The following NELL2 variants were observed in gnomAD, a reference collection of about 807,000 sequenced individuals.
NELL2 encodes neural EGFL like 2.
NELL2 carries 41 observed loss-of-function variants against 109.6 expected under a neutral mutation model. The observed-to-expected ratio is 0.37, with a 90% CI of 0.29 to 0.49. The LOEUF is 0.49. Among genes scored for constraint, NELL2 ranks in the 20% least tolerant of loss-of-function variants. NELL2 has a pLI of 0.98. For synonymous variants in NELL2, 355 were observed against 344.7 expected (o/e 1.03, Z -0.33); for missense variants, 900 against 1,008.3 (o/e 0.89, Z 1.45).
chr12:44,877,772 G>A (rs1331537166), upstream of NELL2, among the ~76,000 whole-genome samples: 3 of 151,958 alleles, frequency 2.0e-5, no homozygotes, highest in Non-Finnish European at 4.4e-5. Flanking sequence ...CTCTCTTATC[G>A]AATTTCCCAT....
In NELL2 at chr12:44,884,297, C is replaced by T. The variant is rs537219233; in HGVS notation, c.39-8397G>A. Among the ~76,000 whole-genome samples the T allele has an allele frequency of 3.3e-5, 5 of 151,916 alleles. No homozygotes were observed. The South Asian group carries it at 1.0e-3, about 31-fold the overall frequency. Reference sequence around the variant, plus strand: ...GACACAACAATCCTAAGTATATATGCACCTAACAGCAAAGCATCAAAATGT... The same window carrying T: ...GACACAACAATCCTAAGTATATATGTACCTAACAGCAAAGCATCAAAATGT... On this transcript the variant is annotated intron_variant, in intron 1 of 20. Coordinates refer to the NELL2 transcript ENST00000333837.
intron 9 of NELL2, among the ~76,000 whole-genome samples, chr12:44,746,754 A>T (rs1407617006): frequency 2.6e-5 from 4 of 152,226 alleles, no homozygotes; most frequent in South Asian, 4.1e-4. Context: ...ATGAGATACC[A>T]TCTCATACCA....
chr12:44,909,625 G>A (rs1945756859), intron 1 of NELL2, among the ~76,000 whole-genome samples: 1 of 151,686 alleles, frequency 6.6e-6, no homozygotes, highest in East Asian at 1.9e-4. Flanking sequence ...AGACCAAATA[G>A]TCAAAGCAAT....
At chr12:44,543,707 T>C (rs1021493830) in intron 15 of NELL2, among the ~76,000 whole-genome samples, 2 of 152,170 alleles carry the variant, frequency 1.3e-5, no homozygotes, top group African/African-American at 4.8e-5. Context: ...CCATTATTCC[T>C]GGGAAGTCAT....
intron 13 of NELL2, among the ~76,000 whole-genome samples, chr12:44,636,079 T>C (rs1946625778): frequency 6.6e-6 from 1 of 152,202 alleles, no homozygotes; most frequent in Non-Finnish European, 1.5e-5. Flanking sequence ...GATTTGACTC[T>C]CTGTTTGTCT....
chr12:44,519,609 A>G (rs193285697), intron 19 of NELL2, among the ~76,000 whole-genome samples: 1 of 152,370 alleles, frequency 6.6e-6, no homozygotes, highest in East Asian at 1.9e-4. Flanking sequence ...TCACTTATGT[A>G]TCTTACGGAC....
chr12:44,761,293 G>C (rs529236798), intron 9 of NELL2, among the ~76,000 whole-genome samples: 1 of 152,140 alleles, frequency 6.6e-6, no homozygotes, highest in South Asian at 2.1e-4. Context: ...GCTTGAACCC[G>C]GGAGGCGGAG....
At chr12:44,907,941 CA>C (rs774416194) in intron 1 of NELL2, among the ~76,000 whole-genome samples, 5 of 151,920 alleles carry the variant, frequency 3.3e-5, no homozygotes, top group Non-Finnish European at 7.4e-5. Context: ...TTTAGGCACA[CA>C]AAGGCAGAAG....
At chr12:44,562,677 G>GA (rs1179645492) in intron 15 of NELL2, among the ~76,000 whole-genome samples, 1 of 152,208 alleles carries the variant, frequency 6.6e-6, no homozygotes, top group East Asian at 1.9e-4. Context: ...ACAGATGCTG[G>GA]AGAGGATGTG....
chr12:44,555,148 G>C (rs1775103397), intron 15 of NELL2, among the ~76,000 whole-genome samples: 1 of 152,156 alleles, frequency 6.6e-6, no homozygotes, highest in African/African-American at 2.4e-5. Context: ...TGGGGTTCAG[G>C]TGGAGGGGTC....
chr12:44,804,694 T>A (rs1018945986), intron 3 of NELL2, among the ~76,000 whole-genome samples: 3 of 151,930 alleles, frequency 2.0e-5, no homozygotes, highest in Admixed American at 6.6e-5. Context: ...CAAAAAGAGA[T>A]GTATTGTAAT....
chr12:44,744,297 A>C (rs1165855459), intron 9 of NELL2, among the ~76,000 whole-genome samples: 5 of 152,236 alleles, frequency 3.3e-5, no homozygotes, highest in Non-Finnish European at 7.3e-5. Context: ...ACACATTCAA[A>C]GCAGTGTGTA....
At chr12:44,659,049 C>A (rs1367042057) in intron 13 of NELL2, among the ~76,000 whole-genome samples, 1 of 152,016 alleles carries the variant, frequency 6.6e-6, no homozygotes, top group Non-Finnish European at 1.5e-5. Context: ...TAACACCACA[C>A]ATCTATAAAC....
chr12:44,784,289 T>C (rs1592526349), intron 3 of NELL2, among the ~76,000 whole-genome samples: 1 of 151,164 alleles, frequency 6.6e-6, no homozygotes, highest in Non-Finnish European at 1.5e-5. Flanking sequence ...TTATTCAACA[T>C]AGTGCTGAAA....
chr12:44,569,781 C>A (rs1418434132), intron 15 of NELL2, among the ~76,000 whole-genome samples: 1 of 152,008 alleles, frequency 6.6e-6, no homozygotes, highest in Admixed American at 6.6e-5. Context: ...GAGAAGATAT[C>A]TATTATATTC....
chr12:44,762,593 G>A (rs1484639390), intron 9 of NELL2, among the ~76,000 whole-genome samples: 1 of 152,168 alleles, frequency 6.6e-6, no homozygotes, highest in African/African-American at 2.4e-5. Flanking sequence ...CTCTTCAGCT[G>A]AAACTCATAG....
At chr12:44,639,421 A>G (rs1306338926) in intron 13 of NELL2, among the ~76,000 whole-genome samples, 1 of 152,154 alleles carries the variant, frequency 6.6e-6, no homozygotes, top group African/African-American at 2.4e-5. Flanking sequence ...GCGCACTCAT[A>G]AATCATCTTC....
At chr12:44,914,466 G>C (rs562123551), upstream of NELL2, among the ~76,000 whole-genome samples, 12 of 152,202 alleles carry the variant, frequency 7.9e-5, no homozygotes, top group South Asian at 2.5e-3. Flanking sequence ...GGTTTTCCTT[G>C]ACTACCTCTT....
At chr12:44,893,812 C>A (rs1216126963) in intron 1 of NELL2, among the ~76,000 whole-genome samples, 1 of 152,180 alleles carries the variant, frequency 6.6e-6, no homozygotes, top group Non-Finnish European at 1.5e-5. Context: ...AGGACAGTAT[C>A]CAAAATCCTA....
Sources: allele counts gnomAD v4.1 joint callset (sites outside exome capture counted in the v4.1 genomes callset), GRCh38; gene constraint gnomAD v4.1.1; transcripts MANE v1.5; gene names NCBI Gene and HGNC (gene_info 2026-07-23, HGNC 2026-07-21).